Variants in ZNF808 observed in about 807,000 individuals in gnomAD.
ZNF808 encodes zinc finger protein 808.
A neutral mutation model predicts 8.7 loss-of-function variants in ZNF808; 5 were observed. The ratio of observed to expected loss-of-function variants is 0.58; its 90% confidence interval spans 0.30 to 1.21. The LOEUF is 1.21. Among genes scored for constraint, ZNF808 ranks in the 50% most tolerant of loss-of-function variants. ZNF808 has a pLI of 0.07. For synonymous variants in ZNF808, 380 were observed against 366.0 expected (o/e 1.04, Z -0.44); for missense variants, 1,103 against 1,098.4 (o/e 1.00, Z -0.06).
chr19:52,554,004 G>T lies in ZNF808; in HGVS notation c.1088G>T (p.Arg363Ile). 6.2e-7 allele frequency: 1 copy of T among 1,614,124 alleles called. No individual in the cohort carries two copies. The highest frequency in any genetic ancestry group is 8.5e-7 in the Non-Finnish European group (1 of 1,180,016). ...CAATCACACCTTTCACGCCATCAAA[G>T]ACTTCATACTGGAGTGAAACCTTAC... ...NQQSHLSRHQ[R>I]LHTGVKPYKC... is the part of the protein sequence containing the mutation. Residue 363 changes from arginine to isoleucine, a missense_variant, in exon 5 of 5, where the codon AGA becomes ATA. Transcript: ENST00000359798.
At chr19:52,529,569 G>A (rs1170085049) in intron 1 of ZNF808, among the ~76,000 whole-genome samples, 1 of 152,124 alleles carries the variant, frequency 6.6e-6, no homozygotes, top group Non-Finnish European at 1.5e-5. Flanking sequence ...TGGCATCAGA[G>A]GTTATGTTCC....
Position 52,553,901 on chromosome 19 carries a change from G to C in ZNF808, c.985G>C (p.Ala329Pro). Residue 329 changes from alanine (A) to proline (P), a missense_variant, in exon 5 of 5, where the codon GCC becomes CCC. Transcript: ENST00000359798. Reference protein sequence around the residue: ...ECGKVFRQNSALVIHKAIHTG... With the variant: ...ECGKVFRQNSPLVIHKAIHTG... ...TGGCAAGGTCTTTCGTCAAAATTCA[G>C]CCCTTGTAATTCATAAGGCAATTCA... 6.2e-7 allele frequency: 1 copy of C among 1,613,680 alleles called. No individual in the cohort carries two copies. The highest frequency in any genetic ancestry group is 1.1e-5 in the South Asian group (1 of 91,048).
chr19:52,561,854 G>T (rs1169013471), intron 3 of ZNF808, among the ~76,000 whole-genome samples: 1 of 152,060 alleles, frequency 6.6e-6, no homozygotes, highest in Admixed American at 6.6e-5. Flanking sequence ...GCTGCCTCCA[G>T]GGTTTTAAAA....
chr19:52,552,181 C>T (rs999046613), intron 4 of ZNF808, among the ~76,000 whole-genome samples: 13 of 151,810 alleles, frequency 8.6e-5, no homozygotes, highest in Non-Finnish European at 1.6e-4. Flanking sequence ...CCACGCCTGG[C>T]TATTTTTTTG....
chr19:52,558,178 T>C (rs190365633), downstream of ZNF808, among the ~76,000 whole-genome samples: 38 of 142,262 alleles, frequency 2.7e-4, no homozygotes, highest in East Asian at 1.3e-3. Flanking sequence ...CTCCGCCTCC[T>C]GGGTTCACGC....
chr19:52,553,833 A>G lies in ZNF808; in HGVS notation c.917A>G (p.His306Arg), dbSNP rs753680158. 8 of 1,614,064 alleles carry G rather than the reference A, an allele frequency of 5.0e-6. No individual in the cohort carries two copies. The African/African-American group carries it at 5.3e-5, about 11-fold the overall frequency. The change falls in exon 5 of 5, where the codon CAT becomes CGT. Residue 306 changes from histidine (H) to arginine (R), a missense_variant. By Grantham distance (29) the His-to-Arg change is conservative (BLOSUM62 0). Transcript: ENST00000359798. The stretch of plus-strand genomic sequence containing the variant: ...TACAAGTCATCCCTTACATGCCATC[A>G]TAGACTTCATACTGGAGTAAAACCT... ...FSYKSSLTCH[H>R]RLHTGVKPYK...
chr19:52,549,112 A>G (rs1356228163), intron 4 of ZNF808, among the ~76,000 whole-genome samples: 1 of 152,068 alleles, frequency 6.6e-6, no homozygotes, highest in Admixed American at 6.6e-5. Flanking sequence ...AGCTGTTGGG[A>G]TTACACACAT....
In ZNF808 at chr19:52,539,548, G is replaced by GTTTTTTTTTTTTTTTTTTTTTTTT. The variant is rs71180473; in HGVS notation, c.-19-3716_-19-3693dup. On this transcript the variant is annotated intron_variant, in intron 2 of 4. Transcript: ENST00000359798. The stretch of plus-strand genomic sequence containing the variant: ...TAATTTACTTATTTTTGTTGTGGTG[G>GTTTTTTTTTTTTTTTTTTTTTTTT]TTTTTTTTTTTTTTTTTTTTTTTTT... 9.6e-5 allele frequency among the ~76,000 whole-genome samples: 5 copies of GTTTTTTTTTTTTTTTTTTTTTTTT among 51,966 alleles called. 2 individuals carry two copies. Among genetic ancestry groups the GTTTTTTTTTTTTTTTTTTTTTTTT allele is most frequent in the African/African-American group, 2.0e-4 (2 of 9,908 alleles). The allele number at this position is 51,966 out of a possible 152,430, so 34.1% of individuals were successfully genotyped here. A position where few individuals can be genotyped will look rare whatever the true frequency, so the allele number is the denominator to read the frequency against.
At chr19:52,546,937 G>C (rs1351651578) in intron 3 of ZNF808, among the ~76,000 whole-genome samples, 2 of 142,588 alleles carry the variant, frequency 1.4e-5, no homozygotes, top group Admixed American at 7.0e-5. Flanking sequence ...CCATTGCCTG[G>C]AATTGCTTTT....
downstream of ZNF808, among the ~76,000 whole-genome samples, chr19:52,557,815 A>T (rs1265057481): frequency 6.6e-6 from 1 of 152,076 alleles, no homozygotes; most frequent in Non-Finnish European, 1.5e-5. Flanking sequence ...TGATAAGACC[A>T]ACCCCTCCCA....
chr19:52,535,396 G>A (rs1302482851), intron 2 of ZNF808, among the ~76,000 whole-genome samples: 1 of 150,926 alleles, frequency 6.6e-6, no homozygotes, highest in Non-Finnish European at 1.5e-5. Flanking sequence ...GAGGGAGGGA[G>A]CCCTGCGGGA....
chr19:52,566,962 T>G (rs1600056962), downstream of ZNF808, among the ~76,000 whole-genome samples: 1 of 151,748 alleles, frequency 6.6e-6, no homozygotes, highest in East Asian at 1.9e-4. Flanking sequence ...TAGGTGTTTT[T>G]TTTTTTTTGA....
Position 52,554,572 on chromosome 19 carries a change from A to T in ZNF808, c.1656A>T (p.Ser552=). Residue 552 remains serine (S), a synonymous_variant, in exon 5 of 5, where the codon TCA becomes TCT. Coordinates refer to ENST00000359798, the MANE Select transcript of ZNF808 (RefSeq NM_001039886.4). ...GTAACAAGGTTTTCATGCGTAATTC[A>T]GTCCTGGCTGTACATACTAGAATTC... ...TVCNKVFMRN[S]VLAVHTRIHT... 6.2e-7 allele frequency: 1 copy of T among 1,613,682 alleles called. No homozygotes were observed. Among genetic ancestry groups the T allele is most frequent in the African/African-American group, 1.3e-5 (1 of 75,046 alleles).
Position 52,556,207 on chromosome 19 carries a change from C to A in ZNF808, c.*579C>A. The A allele has an allele frequency of 3.9e-6, 1 of 259,672 alleles. No homozygotes were observed. Among genetic ancestry groups the A allele is most frequent in the Non-Finnish European group, 7.7e-6 (1 of 130,346 alleles). 16.1% of individuals were successfully genotyped at this position (259,672 alleles called of 1,614,324 possible). The stretch of plus-strand genomic sequence containing the variant: ...AGGTGTGGTGGCTCAGGCCTGTAAT[C>A]CCAGCACGTTGGAAGACCAAGGCAC... On this transcript the variant is annotated 3_prime_UTR_variant, in exon 5 of 5. Transcript: ENST00000359798.
rs2059811372 is a variant in ZNF808 at position 52,554,380 on chromosome 19, T to C, written c.1464T>C (p.Cys488=). The C allele has an allele frequency of 1.2e-6, 2 of 1,613,762 alleles. No homozygotes were observed. The highest frequency in any genetic ancestry group is 1.7e-6 in the Non-Finnish European group (2 of 1,179,932). ...AGAAAACTTACAAGTGTAATGAGTGTCGCAAGACCTTCAGCCGCAGGTCAT... is the reference window on the plus strand; with the variant it reads ...AGAAAACTTACAAGTGTAATGAGTGCCGCAAGACCTTCAGCCGCAGGTCAT... ...TGEKTYKCNE[C]RKTFSRRSSL... The change falls in exon 5 of 5, where the codon TGT becomes TGC. Residue 488 remains cysteine (C), a synonymous_variant. Transcript: ENST00000359798.
chr19:52,535,560 G>T (rs1360035421), intron 2 of ZNF808, among the ~76,000 whole-genome samples: 5 of 152,080 alleles, frequency 3.3e-5, no homozygotes, highest in East Asian at 1.9e-4. Context: ...CTCCTCCCTG[G>T]CCTGAGCACT....
chr19:52,531,483 A>T (rs1224112913), intron 1 of ZNF808, among the ~76,000 whole-genome samples: 1 of 152,006 alleles, frequency 6.6e-6, no homozygotes, highest in African/African-American at 2.4e-5. Flanking sequence ...CTCAATAAAT[A>T]AATAAATTAA....
chr19:52,528,940 A>G (rs2059535830), intron 1 of ZNF808, among the ~76,000 whole-genome samples: 1 of 151,144 alleles, frequency 6.6e-6, no homozygotes, highest in Non-Finnish European at 1.5e-5. Flanking sequence ...GAATAGAGGG[A>G]AGAAGGGGGA....
intron 3 of ZNF808, among the ~76,000 whole-genome samples, chr19:52,543,581 A>G (rs188967653): frequency 4.2e-4 from 64 of 152,228 alleles, no homozygotes; most frequent in African/African-American, 1.5e-3. Context: ...TCCACTGGGC[A>G]TGGTCTTGGG....
Sources: allele counts gnomAD v4.1 joint callset (sites outside exome capture counted in the v4.1 genomes callset), GRCh38; gene constraint gnomAD v4.1.1; transcripts MANE v1.5; gene names NCBI Gene and HGNC (gene_info 2026-07-23, HGNC 2026-07-21).